The following BTN2A1 variants were observed in gnomAD, a reference collection of about 807,000 sequenced individuals.
The protein encoded by BTN2A1 is butyrophilin subfamily 2 member A1, also known as butyrophilin, subfamily 2, member A1.
In BTN2A1, 41 loss-of-function variants were observed where a neutral mutation model predicts 34.5. That is an observed-to-expected ratio of 1.19 (90% CI 0.93 to 1.54). BTN2A1 has a LOEUF of 1.54. BTN2A1 is among the 40% of genes most tolerant of loss of function. The probability of loss-of-function intolerance (pLI) is 0.00; values close to 1 mark genes in which losing one functional copy is unlikely to be tolerated. For synonymous variants in BTN2A1, 267 were observed against 258.6 expected (o/e 1.03, Z -0.31); for missense variants, 642 against 662.0 (o/e 0.97, Z 0.33).
Position 26,468,789 on chromosome 6 carries a change from AGTT to A in BTN2A1, c.*244_*246del. 6.3e-7 allele frequency: 1 copy of A among 1,595,096 alleles called. No homozygotes were observed. Among genetic ancestry groups the A allele is most frequent in the Non-Finnish European group, 8.6e-7 (1 of 1,169,212 alleles). ...GGATGGGATCCAGGCATAGGGAACT[AGTT>A]GTTACACAGCTCCCAGCCAAGAAGA... is the stretch of plus-strand genomic sequence containing the variant. On this transcript the variant is annotated 3_prime_UTR_variant, in exon 8 of 8. Coordinates refer to ENST00000312541, the MANE Select transcript of BTN2A1 (RefSeq NM_007049.5).
At chr6:26,475,225 C>A (rs918031135) in intron 7 of BTN2A1, among the ~76,000 whole-genome samples, 1 of 152,140 alleles carries the variant, frequency 6.6e-6, no homozygotes, top group African/African-American at 2.4e-5. Flanking sequence ...CCGTCAACAC[C>A]CTGCCCAGGT....
chr6:26,461,521 G>A (rs1763163503), intron 3 of BTN2A1, among the ~76,000 whole-genome samples: 1 of 152,214 alleles, frequency 6.6e-6, no homozygotes, highest in Admixed American at 6.5e-5. Context: ...AGTGATTCAT[G>A]CCTGTAATCC....
At position 26,463,326 on chromosome 6, in the gene BTN2A1, C is replaced by A. The variant is rs754175151; in HGVS notation, c.513C>A (p.Tyr171Ter). The change falls in exon 4 of 8, where the codon TAC becomes TAA. Residue 171 changes from tyrosine (Y) to a stop codon, truncating the protein, a stop_gained. Coordinates refer to ENST00000312541, the MANE Select transcript of BTN2A1 (RefSeq NM_007049.5). LOFTEE classifies it high-confidence loss of function. ...IRLECISRGW[Y>*]PKPLTVWRDP... ...TGGAGTGCATATCTAGAGGGTGGTA[C>A]CCAAAGCCCCTCACAGTGTGGAGGG... 2.5e-6 allele frequency: 4 copies of A among 1,613,880 alleles called. No homozygotes were observed. The South Asian group carries it at 4.4e-5, about 18-fold the overall frequency.
intron 7 of BTN2A1, among the ~76,000 whole-genome samples, chr6:26,467,113 T>C (rs1289294041): frequency 3.9e-5 from 6 of 152,188 alleles, no homozygotes; most frequent in African/African-American, 7.2e-5. Flanking sequence ...TTTAAGTCAG[T>C]TGTGATCTGG....
chr6:26,459,944 A>ACAGGGAGATTCCACAGGGACC, intron 3 of BTN2A1, 116 bp downstream of exon 3: 2 of 876,362 alleles, frequency 2.3e-6, no homozygotes, highest in East Asian at 2.7e-5. Flanking sequence ...TCCCTTTTCC[A>ACAGGGAGATTCCACAGGGACC]CTCTCCCTGT....
At chr6:26,463,621 A>G (rs1172291299) in intron 4 of BTN2A1, 96 bp downstream of exon 4, 60 of 1,421,202 alleles carry the variant, frequency 4.2e-5, no homozygotes, top group South Asian at 7.8e-5. Context: ...AGTGTGGGTG[A>G]AATAGTCCTG....
intron 3 of BTN2A1, among the ~76,000 whole-genome samples, chr6:26,461,106 A>G (rs934506347): frequency 6.6e-6 from 1 of 152,184 alleles, no homozygotes; most frequent in Non-Finnish European, 1.5e-5. Context: ...GCAACCTTGC[A>G]TCTGATTAAA....
exon 8 of BTN2A1, chr6:26,476,151 C>G: frequency 6.5e-7 from 1 of 1,536,394 alleles, no homozygotes. Flanking sequence ...ATATCATTTA[C>G]CAAACTTAGG....
intron 7 of BTN2A1, among the ~76,000 whole-genome samples, chr6:26,475,941 G>A (rs1424120597): frequency 6.6e-6 from 1 of 152,086 alleles, no homozygotes; most frequent in East Asian, 1.9e-4. Context: ...TCTCAGGGGA[G>A]GGAGGAGTCT....
At chr6:26,469,682 T>C (rs1763416181), downstream of BTN2A1, 1 of 152,212 alleles carries the variant, frequency 6.6e-6, no homozygotes, top group Non-Finnish European at 1.5e-5. Context: ...CTTGAAAGAA[T>C]ATGACTGGAT....
At chr6:26,465,849 G>T (rs771648605) in intron 5 of BTN2A1, 104 bp from the exon 6 acceptor site, 41 of 1,576,206 alleles carry the variant, frequency 2.6e-5, no homozygotes, top group Non-Finnish European at 3.4e-5. Context: ...AGGGAAGGGA[G>T]ATGTTGCTGT....
chr6:26,471,627 ACT>A (rs1282074324), downstream of BTN2A1, among the ~76,000 whole-genome samples: 2 of 151,722 alleles, frequency 1.3e-5, no homozygotes, highest in South Asian at 2.1e-4. Flanking sequence ...GCAGAGTGAG[ACT>A]CTCAAAAAAG....
In BTN2A1 at chr6:26,465,282, C is replaced by G; in HGVS notation, c.810C>G (p.Asn270Lys). ...TTGCCGTATGCATCTATTGGATCAA[C>G]AAACTCCAAAAGGAAAAAAAGATTC... ...IPIAVCIYWINKLQKEKKILS... is the reference protein window; with the variant it reads ...IPIAVCIYWIKKLQKEKKILS... Residue 270 changes from asparagine to lysine, a missense_variant, in exon 5 of 8, where the codon AAC becomes AAG. Coordinates refer to ENST00000312541, the MANE Select transcript of BTN2A1 (RefSeq NM_007049.5). The G allele has an allele frequency of 3.7e-6, 6 of 1,614,034 alleles. No individual in the cohort carries two copies. The highest frequency in any genetic ancestry group is 5.1e-6 in the Non-Finnish European group (6 of 1,179,968).
Position 26,468,450 on chromosome 6 carries a change from C to A in BTN2A1, c.1485C>A (p.Ser495Arg), listed in dbSNP as rs200126468. 6.2e-7 allele frequency: 1 copy of A among 1,614,062 alleles called. No homozygotes were observed. Among genetic ancestry groups the A allele is most frequent in the Non-Finnish European group, 8.5e-7 (1 of 1,179,932 alleles). ...TCTTCAGGTTGGGGTGTGAGGACAG[C>A]CCCATCTTCATCTGCCCTGCACTCA... ...RPFFRLGCED[S>R]PIFICPALTG... is the part of the protein sequence containing the mutation. The change falls in exon 8 of 8, where the codon AGC becomes AGA. Residue 495 changes from serine (S) to arginine (R), a missense_variant. Ser to Arg is a moderately radical substitution (Grantham distance 110). Coordinates refer to ENST00000312541, the MANE Select transcript of BTN2A1 (RefSeq NM_007049.5).
At chr6:26,465,096 T>C in intron 4 of BTN2A1, 89 bp from the exon 5 acceptor site, 1 of 1,066,510 alleles carries the variant, frequency 9.4e-7, no homozygotes, top group Non-Finnish European at 1.4e-6. Context: ...AGCAGGTGGC[T>C]GAGGAGCTCT....
At chr6:26,461,383 C>G (rs1410957455) in intron 3 of BTN2A1, among the ~76,000 whole-genome samples, 1 of 152,210 alleles carries the variant, frequency 6.6e-6, no homozygotes, top group Non-Finnish European at 1.5e-5. Flanking sequence ...TATTGAACCT[C>G]ATAGAATGTT....
chr6:26,460,735 C>G (rs1357129711), intron 3 of BTN2A1, among the ~76,000 whole-genome samples: 1 of 152,000 alleles, frequency 6.6e-6, no homozygotes, highest in Admixed American at 6.6e-5. Context: ...TGGTGCAACC[C>G]CATCTCTACT....
chr6:26,467,838 A>G (rs1763356752), intron 7 of BTN2A1, 110 bp from the exon 8 acceptor site: 3 of 1,557,138 alleles, frequency 1.9e-6, no homozygotes, highest in Admixed American at 2.0e-5. Context: ...GGAAGTGGCC[A>G]CTACGTGGGG....
downstream of BTN2A1, among the ~76,000 whole-genome samples, chr6:26,471,548 TA>T (rs1328081769): frequency 5.3e-5 from 8 of 151,934 alleles, no homozygotes; most frequent in African/African-American, 1.9e-4. Flanking sequence ...GCCAACATGG[TA>T]AAACCCTGTC....
Sources: gnomAD v4.1 joint callset for allele counts (sites outside exome capture counted in the v4.1 genomes callset) on GRCh38, gnomAD v4.1.1 for gene constraint, MANE v1.5 for transcripts, NCBI Gene and HGNC (gene_info 2026-07-23, HGNC 2026-07-21) for gene names.